Variants in FAM222A observed in about 807,000 individuals in gnomAD.
The protein encoded by FAM222A is protein FAM222A.
FAM222A carries 7 observed loss-of-function variants against 25.8 expected under a neutral mutation model. The ratio of observed to expected loss-of-function variants is 0.27; its 90% CI spans 0.15 to 0.51. FAM222A has a LOEUF of 0.51. Ranked by LOEUF, FAM222A falls within the 20% of genes least tolerant of loss-of-function variation. The pLI is 0.97. For missense variants in FAM222A, 573 were observed against 640.5 expected, an observed-to-expected ratio of 0.89 and a Z score of 1.14; for synonymous variants, 294 against 298.8, an observed-to-expected ratio of 0.98 and a Z score of 0.17.
intron 2 of FAM222A, among the ~76,000 whole-genome samples, chr12:109,754,602 T>C (rs1185344588): frequency 1.3e-5 from 2 of 151,932 alleles, no homozygotes; most frequent in African/African-American, 4.8e-5. Flanking sequence ...TGTGTTCCAA[T>C]AAGACTTTAT....
In FAM222A at chr12:109,719,723, G is replaced by T. The variant is rs532830439; in HGVS notation, c.-47+4826G>T. On this transcript the variant is annotated intron_variant, in intron 1 of 2. Transcript: ENST00000538780. ...GGAGACCCGGGAGCATGACCAGGAA[G>T]GGCAGGGGGAGCTTATAAGATGGTG... is the stretch of plus-strand genomic sequence containing the variant. Among the ~76,000 whole-genome samples, 12 of 152,266 alleles carry T rather than the reference G, an allele frequency of 7.9e-5. No individual in the cohort carries two copies. In the South Asian group the frequency reaches 2.5e-3, roughly 32 times the overall value.
chr12:109,768,713 G>C lies in FAM222A; in HGVS notation c.784G>C (p.Gly262Arg), dbSNP rs779761751. 1.2e-5 allele frequency: 19 copies of C among 1,581,518 alleles called. No individual in the cohort carries two copies. The highest frequency in any genetic ancestry group is 1.6e-5 in the Non-Finnish European group (19 of 1,169,396). Residue 262 changes from glycine to arginine, a missense_variant, in exon 3 of 3, where the codon GGA becomes CGA. Around this residue, in one of 3 missense-constraint regions of FAM222A, gnomAD observed 412 missense variants for 407.0 expected, o/e 1.01. Coordinates refer to ENST00000538780, the MANE Select transcript of FAM222A (RefSeq NM_032829.3). ...CCGGAAAGGCACTGAGCTGGGCCAGGGAGCCACCCAAGCCTTGACGTTGGC... is the reference window on the plus strand; with the variant it reads ...CCGGAAAGGCACTGAGCTGGGCCAGCGAGCCACCCAAGCCTTGACGTTGGC... ...DCRKGTELGQ[G>R]ATQALTLAGA...
intron 2 of FAM222A, chr12:109,744,754 A>G (rs1180024984): frequency 1.0e-6 from 1 of 985,292 alleles, no homozygotes; most frequent in South Asian, 4.7e-5. Context: ...ATTTTTAGCT[A>G]TCATAATTTC....
rs538461354 is a variant in FAM222A at position 109,716,813 on chromosome 12, G to A, written c.-47+1916G>A. ...CATCTCCCTGGGCTTGGCACTCAGC[G>A]TGCCAGACGATGAGCAGGAGGGAGT... is the stretch of plus-strand genomic sequence containing the variant. On this transcript the variant is annotated intron_variant, in intron 1 of 2. Transcript: ENST00000538780. 3.2e-4 allele frequency among the ~76,000 whole-genome samples: 49 copies of A among 152,346 alleles called. No individual in the cohort carries two copies. The South Asian group carries it at 7.5e-3, about 23-fold the overall frequency.
intron 1 of FAM222A, among the ~76,000 whole-genome samples, chr12:109,721,015 G>T (rs1245242300): frequency 6.6e-6 from 1 of 152,210 alleles, no homozygotes; most frequent in African/African-American, 2.4e-5. Context: ...GAATACTTTT[G>T]CCTATTATGA....
intron 1 of FAM222A, among the ~76,000 whole-genome samples, chr12:109,732,340 C>G (rs926570763): frequency 1.3e-5 from 2 of 152,270 alleles, no homozygotes; most frequent in Non-Finnish European, 2.9e-5. Context: ...AGAACTAGCA[C>G]TTGGTCTCAT....
chr12:109,730,407 G>T (rs997509420), intron 1 of FAM222A, among the ~76,000 whole-genome samples: 8 of 6,118 alleles, frequency 1.3e-3, no homozygotes, highest in African/African-American at 3.9e-3. Context: ...CCTGGGGGGC[G>T]GGGGGGGGGG....
chr12:109,753,422 G>A (rs1188612838), intron 2 of FAM222A, among the ~76,000 whole-genome samples: 1 of 152,134 alleles, frequency 6.6e-6, no homozygotes, highest in African/African-American at 2.4e-5. Flanking sequence ...GCCCTGATGG[G>A]GGTGTGTATG....
chr12:109,722,746 G>A (rs1181483717), intron 1 of FAM222A: 19 of 152,254 alleles, frequency 1.2e-4, no homozygotes, highest in African/African-American at 4.6e-4. Flanking sequence ...CTGGCGGGCA[G>A]TGTGGGCCCA....
Position 109,731,279 on chromosome 12 carries a change from C to T in FAM222A, c.-46-12822C>T, listed in dbSNP as rs375452154. 2.4e-3 allele frequency among the ~76,000 whole-genome samples: 370 copies of T among 152,206 alleles called. 1 individual carries two copies. The highest frequency in any genetic ancestry group is 8.2e-3 in the African/African-American group (339 of 41,526). ...AACTCAACTGGCTGCAGGATCACCCCTTTGGCATGCTGGGGAGGTGACCCA... is the reference window on the plus strand; with the variant it reads ...AACTCAACTGGCTGCAGGATCACCCTTTTGGCATGCTGGGGAGGTGACCCA... On this transcript the variant is annotated intron_variant, in intron 1 of 2. Coordinates refer to ENST00000538780, the MANE Select transcript of FAM222A (RefSeq NM_032829.3).
At chr12:109,715,135 G>A (rs888625788) in intron 1 of FAM222A, among the ~76,000 whole-genome samples, 2 of 152,122 alleles carry the variant, frequency 1.3e-5, no homozygotes, top group Non-Finnish European at 2.9e-5. Context: ...TGCCAGAGAG[G>A]AAAGGTCACC....
chr12:109,755,113 T>C (rs924665930), intron 2 of FAM222A, among the ~76,000 whole-genome samples: 1 of 152,190 alleles, frequency 6.6e-6, no homozygotes, highest in Non-Finnish European at 1.5e-5. Context: ...CTTTGTGGTA[T>C]CCTTTGAAGC....
In FAM222A at chr12:109,768,726, C is replaced by A; in HGVS notation, c.797C>A (p.Ala266Asp). 6.3e-7 allele frequency: 1 copy of A among 1,579,440 alleles called. No individual in the cohort carries two copies. The highest frequency in any genetic ancestry group is 8.6e-7 in the Non-Finnish European group (1 of 1,167,318). ...GTELGQGATQ[A>D]LTLAGAAKPA... ...GAGCTGGGCCAGGGAGCCACCCAAG[C>A]CTTGACGTTGGCTGGGGCCGCCAAG... The change falls in exon 3 of 3, where the codon GCC becomes GAC. Residue 266 changes from alanine to aspartate, a missense_variant. Physicochemically the swap from Ala to Asp is moderately radical, Grantham distance 126. Around this residue, in one of 3 missense-constraint regions of FAM222A, gnomAD observed 412 missense variants for 407.0 expected, o/e 1.01. Coordinates refer to ENST00000538780, the MANE Select transcript of FAM222A (RefSeq NM_032829.3).
At chr12:109,753,426 G>A (rs1415291774) in intron 2 of FAM222A, among the ~76,000 whole-genome samples, 1 of 152,146 alleles carries the variant, frequency 6.6e-6, no homozygotes, top group Non-Finnish European at 1.5e-5. Context: ...TGATGGGGGT[G>A]TGTATGTATG....
intron 2 of FAM222A, among the ~76,000 whole-genome samples, chr12:109,760,743 C>T (rs1888867833): frequency 6.6e-6 from 1 of 152,210 alleles, no homozygotes; most frequent in South Asian, 2.1e-4. Context: ...AGGGCAAGGC[C>T]ATGAGGGTTT....
At chr12:109,732,706 G>A (rs71458303) in intron 1 of FAM222A, among the ~76,000 whole-genome samples, 1 of 152,256 alleles carries the variant, frequency 6.6e-6, no homozygotes, top group Non-Finnish European at 1.5e-5. Flanking sequence ...AGGTGTGTGT[G>A]AGAGTGTACG....
chr12:109,755,287 CTTTTTTTTTTTTTTTTTTTTTTTTTT>C (rs540689300), intron 2 of FAM222A, among the ~76,000 whole-genome samples: 3 of 49,426 alleles, frequency 6.1e-5, no homozygotes, highest in African/African-American at 2.7e-4. Flanking sequence ...TGTAATTCTT[CTTTTTTTTTTTTTTTTTTTTTTTTTT>C]TTTTTTTTTT....
intron 2 of FAM222A, among the ~76,000 whole-genome samples, chr12:109,751,019 G>C (rs1158181722): frequency 6.6e-6 from 1 of 152,088 alleles, no homozygotes; most frequent in Non-Finnish European, 1.5e-5. Context: ...TCAGTTTGCA[G>C]ATCCGAGGCT....
At chr12:109,761,353 C>A (rs540816538) in intron 2 of FAM222A, among the ~76,000 whole-genome samples, 49 of 152,314 alleles carry the variant, frequency 3.2e-4, no homozygotes, top group African/African-American at 1.1e-3. Context: ...GCCAAGGGCA[C>A]TACCCCAGGC....
Sources: gnomAD v4.1 joint callset for allele counts (sites outside exome capture counted in the v4.1 genomes callset) on GRCh38, gnomAD v4.1.1 for gene constraint, gnomAD v4.1.1 regional missense constraint, MANE v1.5 for transcripts, NCBI Gene and HGNC (gene_info 2026-07-23, HGNC 2026-07-21) for gene names.